WWTR1: variants seen among roughly 807,000 people sequenced by gnomAD.
The protein encoded by WWTR1 is WW domain-containing transcription regulator protein 1.
A neutral mutation model predicts 40.1 loss-of-function variants in WWTR1; 13 were observed. The observed-to-expected ratio is 0.32, with a 90% CI of 0.21 to 0.52. WWTR1 has a LOEUF of 0.52. Among genes scored for constraint, WWTR1 ranks in the 20% least tolerant of loss-of-function variants. WWTR1 has a pLI of 0.97. For synonymous variants in WWTR1, 230 were observed against 210.1 expected (o/e 1.09, Z -0.82); for missense variants, 436 against 523.1 (o/e 0.83, Z 1.63).
intron 3 of WWTR1, among the ~76,000 whole-genome samples, chr3:149,547,600 C>A (rs941022427): frequency 6.6e-6 from 1 of 152,046 alleles, no homozygotes; most frequent in Non-Finnish European, 1.5e-5. Flanking sequence ...GGGCAGACTG[C>A]CACAAACTGC....
intron 2 of WWTR1, among the ~76,000 whole-genome samples, chr3:149,630,791 C>A (rs11922934): frequency 6.6e-6 from 1 of 152,122 alleles, no homozygotes; most frequent in East Asian, 1.9e-4. Context: ...CCTGCAGTCA[C>A]GCCAGGAATG....
At chr3:149,633,579 T>A (rs1019181812) in intron 2 of WWTR1, among the ~76,000 whole-genome samples, 1 of 152,176 alleles carries the variant, frequency 6.6e-6, no homozygotes, top group Non-Finnish European at 1.5e-5. Context: ...CTAGGTATAA[T>A]GGTAGACCCC....
intron 4 of WWTR1, among the ~76,000 whole-genome samples, chr3:149,720,465 T>C (rs1305096356): frequency 6.6e-6 from 1 of 152,194 alleles, no homozygotes; most frequent in Non-Finnish European, 1.5e-5. Context: ...TCTATTGTAT[T>C]CATTGGTCTT....
chr3:149,713,013 C>A (rs1017652410), intron 5 of WWTR1, among the ~76,000 whole-genome samples: 1 of 152,172 alleles, frequency 6.6e-6, no homozygotes, highest in South Asian at 2.1e-4. Flanking sequence ...TTTCTCTCCA[C>A]CCACACTGTC....
chr3:149,595,703 T>A (rs919243295), intron 2 of WWTR1, among the ~76,000 whole-genome samples: 13 of 152,240 alleles, frequency 8.5e-5, no homozygotes, highest in Non-Finnish European at 1.9e-4. Flanking sequence ...GCAGTAGAAT[T>A]CCTCCCAAAT....
At chr3:149,566,790 C>T (rs1737345294) in intron 3 of WWTR1, among the ~76,000 whole-genome samples, 1 of 146,624 alleles carries the variant, frequency 6.8e-6, no homozygotes. Flanking sequence ...TCCATCTTGT[C>T]TTGAAAAGTA....
intron 6 of WWTR1, 124 bp downstream of exon 6, chr3:149,525,889 C>T (rs1351500517): frequency 5.2e-6 from 3 of 571,996 alleles, no homozygotes; most frequent in Non-Finnish European, 8.3e-6. Flanking sequence ...CACATGTACC[C>T]CCAAATATAA....
Position 149,652,509 on chromosome 3 carries a change from G to A in WWTR1, c.431+4367C>T, listed in dbSNP as rs550181497. Among the ~76,000 whole-genome samples the A allele has an allele frequency of 3.7e-3, 552 of 150,486 alleles. 10 individuals carry two copies. The highest frequency in any genetic ancestry group is 7.5e-3 in the East Asian group (38 of 5,088). On this transcript the variant is annotated intron_variant, in intron 2 of 6. Coordinates refer to ENST00000360632, the MANE Select transcript of WWTR1 (RefSeq NM_015472.6). ...ATGGTGGTGCAAACCTATAGTCGTA[G>A]TTACTCAGGAAGCTGAGGTGGGAGG...
chr3:149,704,126 A>G (rs1715272716), upstream of WWTR1, among the ~76,000 whole-genome samples: 2 of 152,254 alleles, frequency 1.3e-5, no homozygotes, highest in Admixed American at 6.5e-5. Context: ...CACAGGCATG[A>G]GCCACCATGC....
chr3:149,519,906 G>C lies in WWTR1; in HGVS notation c.*899C>G. 1 of 151,892 alleles carries C rather than the reference G, an allele frequency of 6.6e-6. No homozygotes were observed. The highest frequency in any genetic ancestry group is 1.5e-5 in the Non-Finnish European group (1 of 68,038). The allele number at this position is 151,892 out of a possible 1,614,324, so 9.4% of individuals were successfully genotyped here. On this transcript the variant is annotated 3_prime_UTR_variant, in exon 7 of 7. Transcript: ENST00000360632. ...TGCAGTGAGCCGAGATTGTGCCATT[G>C]CATTCCAGCCTGGACAACAAGAGCA...
rs116939057 is a variant in WWTR1, at chr3:149,675,551, A to C, written c.-107-5660T>G. ...CTTGTATCACCAGGAGAATAATGGT[A>C]CCGAAGAAATTTGGACAGCCAGAAG... On this transcript the variant is annotated intron_variant, in intron 1 of 7. Transcript: ENST00000465804. Among the ~76,000 whole-genome samples, 270 of 152,286 alleles carry C rather than the reference A, an allele frequency of 1.8e-3. 4 individuals are homozygous for C. The East Asian group carries it at 0.031, about 17-fold the overall frequency.
rs1341629242 is a variant in WWTR1, at chr3:149,585,157, T to G, written c.432-12157A>C. On this transcript the variant is annotated intron_variant, in intron 2 of 6. Transcript: ENST00000360632. ...GTGTGTGTGTGTGTGTGTGTGTGTT[T>G]AAGATGGAGTTTCACTCTTGTCACC... Among the ~76,000 whole-genome samples the G allele has an allele frequency of 2.0e-5, 3 of 151,918 alleles. No individual in the cohort carries two copies. The East Asian group carries it at 5.8e-4, about 29-fold the overall frequency.
At chr3:149,546,223 A>G (rs1191647111) in intron 3 of WWTR1, among the ~76,000 whole-genome samples, 2 of 152,236 alleles carry the variant, frequency 1.3e-5, no homozygotes, top group Non-Finnish European at 2.9e-5. Context: ...TATTAACTGT[A>G]GAGTCTGGAA....
At chr3:149,589,606 T>C (rs970177204) in intron 2 of WWTR1, among the ~76,000 whole-genome samples, 9 of 151,842 alleles carry the variant, frequency 5.9e-5, no homozygotes, top group Admixed American at 5.9e-4. Flanking sequence ...GGAAATGGTA[T>C]TTTCTTTACA....
chr3:149,668,501 A>T (rs1018978110), intron 2 of WWTR1, among the ~76,000 whole-genome samples: 1 of 151,328 alleles, frequency 6.6e-6, no homozygotes, highest in African/African-American at 2.4e-5. Context: ...CCAGCTGCTT[A>T]GGAGGTTGAG....
chr3:149,569,243 G>A (rs1737510456), intron 3 of WWTR1, among the ~76,000 whole-genome samples: 1 of 151,994 alleles, frequency 6.6e-6, no homozygotes, highest in Admixed American at 6.6e-5. Context: ...ATTCTAGAAA[G>A]CACTTATAAA....
chr3:149,689,841 ATAAAC>A (rs1714761799), intron 1 of WWTR1, among the ~76,000 whole-genome samples: 1 of 152,190 alleles, frequency 6.6e-6, no homozygotes, highest in Non-Finnish European at 1.5e-5. Context: ...ATTGTGGTGT[ATAAAC>A]TACTCATATC....
chr3:149,588,736 C>A (rs1161970874), intron 2 of WWTR1, among the ~76,000 whole-genome samples: 2 of 152,096 alleles, frequency 1.3e-5, no homozygotes, highest in Admixed American at 6.5e-5. Flanking sequence ...TATCCTCCCC[C>A]CAAAATGAAC....
At chr3:149,613,547 CT>C in intron 2 of WWTR1, among the ~76,000 whole-genome samples, 1 of 152,066 alleles carries the variant, frequency 6.6e-6, no homozygotes, top group Admixed American at 6.6e-5. Flanking sequence ...TCTTTTGTTA[CT>C]TTTTTATTTT....
Sources: allele counts gnomAD v4.1 joint callset (sites outside exome capture counted in the v4.1 genomes callset), GRCh38; gene constraint gnomAD v4.1.1; transcripts MANE v1.5; gene names NCBI Gene and HGNC (gene_info 2026-07-23, HGNC 2026-07-21).